KCNK9: variants seen among roughly 807,000 people sequenced by gnomAD.
KCNK9 encodes potassium channel subfamily K member 9.
KCNK9 carries 1 observed loss-of-function variant against 10.8 expected under a neutral mutation model. That is an observed-to-expected ratio of 0.09 (90% CI 0.03 to 0.44). The LOEUF (loss-of-function observed/expected upper bound fraction) is 0.44. KCNK9 is among the 20% of genes least tolerant of loss of function. The pLI, the probability that KCNK9 is intolerant of heterozygous loss-of-function variation, is 0.97. For missense variants in KCNK9, 303 were observed against 515.0 expected (o/e 0.59, Z 3.98); for synonymous variants, 231 against 222.7 (o/e 1.04, Z -0.33).
At chr8:139,631,257 T>A (rs577012222) in intron 1 of KCNK9, among the ~76,000 whole-genome samples, 1 of 152,338 alleles carries the variant, frequency 6.6e-6, no homozygotes, top group East Asian at 1.9e-4. Context: ...AGATAAATAA[T>A]GGTAACAATA....
intron 1 of KCNK9, among the ~76,000 whole-genome samples, chr8:139,623,992 G>A (rs898301967): frequency 3.9e-5 from 6 of 152,078 alleles, no homozygotes; most frequent in Non-Finnish European, 8.8e-5. Context: ...CAACCGCCCC[G>A]CAAGAGGCCA....
intron 1 of KCNK9, among the ~76,000 whole-genome samples, chr8:139,655,508 G>A (rs1413346425): frequency 6.6e-6 from 1 of 152,176 alleles, no homozygotes; most frequent in African/African-American, 2.4e-5. Flanking sequence ...TCAGGTCCAG[G>A]TGAAAGAACA....
intron 1 of KCNK9, among the ~76,000 whole-genome samples, chr8:139,674,446 A>G (rs1024871293): frequency 2.6e-5 from 4 of 152,184 alleles, no homozygotes; most frequent in Admixed American, 2.6e-4. Flanking sequence ...ATAGGGGGCC[A>G]GGGCCAGGTG....
At chr8:139,667,493 C>T (rs1276507755) in intron 1 of KCNK9, among the ~76,000 whole-genome samples, 7 of 150,826 alleles carry the variant, frequency 4.6e-5, no homozygotes, top group Admixed American at 4.6e-4. Flanking sequence ...GTCAGAAGTT[C>T]AAGACCAGCC....
chr8:139,620,557 C>T (rs1416949492), intron 1 of KCNK9, among the ~76,000 whole-genome samples: 1 of 152,104 alleles, frequency 6.6e-6, no homozygotes, highest in East Asian at 1.9e-4. Context: ...CTAGCTCACA[C>T]TTCTCCATCA....
chr8:139,687,434 T>G lies in KCNK9; in HGVS notation c.283+15276A>C, dbSNP rs1200469782. Among the ~76,000 whole-genome samples, 9 of 144,766 alleles carry G rather than the reference T, an allele frequency of 6.2e-5. 2 individuals are homozygous for G. The highest frequency in any genetic ancestry group is 1.5e-4 in the African/African-American group (6 of 39,472). The allele number at this position is 144,766 out of a possible 152,430, so 95.0% of individuals were successfully genotyped here. On this transcript the variant is annotated intron_variant, in intron 1 of 1. Transcript: ENST00000520439. ...TTCATATATGTGTATACATATATAT[T>G]CATATATATGTATACACATATATAT...
intron 1 of KCNK9, among the ~76,000 whole-genome samples, chr8:139,639,171 G>A (rs1361749401): frequency 6.6e-6 from 1 of 152,164 alleles, no homozygotes; most frequent in East Asian, 1.9e-4. Context: ...GGAGCCAGCT[G>A]TGCCACCTTC....
chr8:139,688,509 G>A (rs76175382), intron 1 of KCNK9, among the ~76,000 whole-genome samples: 1,688 of 152,296 alleles, frequency 0.011, 38 homozygotes, highest in African/African-American at 0.038. Context: ...AGAACAGCAT[G>A]GGACTGCCCA....
At chr8:139,670,204 T>C (rs1816394751) in intron 1 of KCNK9, among the ~76,000 whole-genome samples, 2 of 152,204 alleles carry the variant, frequency 1.3e-5, no homozygotes, top group Non-Finnish European at 2.9e-5. Flanking sequence ...TGCCCTCTTG[T>C]ACAGATGTGG....
At chr8:139,635,502 C>T (rs1204541109) in intron 1 of KCNK9, among the ~76,000 whole-genome samples, 2 of 152,226 alleles carry the variant, frequency 1.3e-5, no homozygotes, top group Non-Finnish European at 2.9e-5. Flanking sequence ...CCTCATGTAT[C>T]AGCTATTTGA....
At chr8:139,699,921 A>C (rs926500904) in intron 1 of KCNK9, among the ~76,000 whole-genome samples, 8 of 152,260 alleles carry the variant, frequency 5.3e-5, no homozygotes, top group African/African-American at 1.9e-4. Flanking sequence ...AGCATGCTCA[A>C]GAAATAGCTC....
chr8:139,630,063 G>T (rs1419166354), intron 1 of KCNK9, among the ~76,000 whole-genome samples: 1 of 151,314 alleles, frequency 6.6e-6, no homozygotes, highest in Non-Finnish European at 1.5e-5. Flanking sequence ...GTTGCGGGGG[G>T]AGCGGGCGTG....
chr8:139,657,191 C>A (rs1248200730), intron 1 of KCNK9, among the ~76,000 whole-genome samples: 1 of 152,174 alleles, frequency 6.6e-6, no homozygotes, highest in Admixed American at 6.5e-5. Flanking sequence ...CTAGCTTGAG[C>A]CAGGATTGCA....
intron 1 of KCNK9, among the ~76,000 whole-genome samples, chr8:139,675,658 C>G (rs533123756): frequency 6.6e-6 from 1 of 152,190 alleles, no homozygotes; most frequent in Non-Finnish European, 1.5e-5. Flanking sequence ...CCTGTGACAT[C>G]TTGTTATAGC....
rs1234473062 is a variant in KCNK9, at chr8:139,618,319, G to A, written c.1064C>T (p.Ser355Phe). 4 of 1,614,200 alleles carry A rather than the reference G, an allele frequency of 2.5e-6. No homozygotes were observed. The South Asian group carries it at 3.3e-5, about 13-fold the overall frequency. The change falls in exon 2 of 2, where the codon TCT becomes TTT. Residue 355 changes from serine to phenylalanine, a missense_variant. Transcript: ENST00000520439. The surrounding 1 kb of genome is among the most constrained non-coding windows in gnomAD (Gnocchi z 7.9). The part of the protein sequence containing the change: ...SLFPSPISSI[S>F]PGLHSFTDHQ... The stretch of plus-strand genomic sequence containing the variant: ...GTCGGTAAAGCTGTGTAACCCAGGA[G>A]AGATGGAGCTAATAGGCGATGGGAA...
downstream of KCNK9, among the ~76,000 whole-genome samples, chr8:139,615,064 T>C (rs1814539332): frequency 6.6e-6 from 1 of 152,120 alleles, no homozygotes; most frequent in Non-Finnish European, 1.5e-5. Context: ...GAAAATCACT[T>C]GGATGAAAGA....
chr8:139,633,455 A>C (rs998795413), intron 1 of KCNK9, among the ~76,000 whole-genome samples: 2 of 152,314 alleles, frequency 1.3e-5, no homozygotes, highest in South Asian at 2.1e-4. Context: ...ATTTCAGCCA[A>C]GTCCCTTGCC....
At position 139,687,341 on chromosome 8, in the gene KCNK9, C is replaced by CAT. The variant is rs370871194; in HGVS notation, c.283+15367_283+15368dup. ...AGTTTTCACTATGTAGATTTTCATACATATATATATATGTATACATATATA... is the reference window on the plus strand; with the variant it reads ...AGTTTTCACTATGTAGATTTTCATACATATATATATATATGTATACATATATA... On this transcript the variant is annotated intron_variant, in intron 1 of 1. Coordinates refer to ENST00000520439, the MANE Select transcript of KCNK9 (RefSeq NM_001282534.2). Among the ~76,000 whole-genome samples the CAT allele has an allele frequency of 3.1e-3, 255 of 82,886 alleles. 2 individuals carry two copies. Among genetic ancestry groups the CAT allele is most frequent in the African/African-American group, 0.01 (238 of 22,700 alleles). 54.4% of individuals were successfully genotyped at this position (82,886 alleles called of 152,430 possible).
At chr8:139,691,452 T>G (rs1816932469) in intron 1 of KCNK9, among the ~76,000 whole-genome samples, 1 of 152,200 alleles carries the variant, frequency 6.6e-6, no homozygotes. Context: ...CACCCCTGCT[T>G]GTACAGTTGT....
Sources: allele counts gnomAD v4.1 joint callset (sites outside exome capture counted in the v4.1 genomes callset), GRCh38; gene constraint gnomAD v4.1.1; non-coding constraint Gnocchi (gnomAD v3.1); transcripts MANE v1.5; gene names NCBI Gene and HGNC (gene_info 2026-07-23, HGNC 2026-07-21).